CRACD: variants seen among roughly 807,000 people sequenced by gnomAD.
CRACD encodes the protein capping protein inhibiting regulator of actin dynamics.
Under a neutral mutation model 106.8 loss-of-function variants are expected in CRACD, and 56 were observed. The ratio of observed to expected loss-of-function variants is 0.52; its 90% CI spans 0.42 to 0.66. CRACD has a LOEUF of 0.66. Among genes scored for constraint, CRACD ranks in the 30% least tolerant of loss-of-function variants. The probability of loss-of-function intolerance (pLI) is 0.00; values close to 1 mark genes in which losing one functional copy is unlikely to be tolerated. For synonymous variants in CRACD, 754 were observed against 670.8 expected, an observed-to-expected ratio of 1.12 and a Z score of -1.92; for missense variants, 1,730 against 1,623.2, an observed-to-expected ratio of 1.07 and a Z score of -1.13.
At chr4:56,305,947 T>G (rs1744667196) in intron 4 of CRACD, among the ~76,000 whole-genome samples, 1 of 152,220 alleles carries the variant, frequency 6.6e-6, no homozygotes. Context: ...TGCCTCTTTA[T>G]TTCTGCCCCT....
At chr4:56,143,000 A>T (rs897480295) in intron 1 of CRACD, among the ~76,000 whole-genome samples, 9 of 146,864 alleles carry the variant, frequency 6.1e-5, no homozygotes, top group Admixed American at 6.8e-5. Flanking sequence ...TCTCTTTCAA[A>T]TTTTTTTTTT....
At chr4:56,167,859 G>C (rs577183555) in intron 1 of CRACD, among the ~76,000 whole-genome samples, 39 of 152,284 alleles carry the variant, frequency 2.6e-4, no homozygotes, top group African/African-American at 8.7e-4. Context: ...CAACATGGAT[G>C]AACCTTGAGG....
chr4:56,054,383 C>G (rs949648663), intron 1 of CRACD, among the ~76,000 whole-genome samples: 2 of 152,074 alleles, frequency 1.3e-5, no homozygotes, highest in Non-Finnish European at 2.9e-5. Context: ...TCTCTGTTTC[C>G]TAGGCTGGTC....
intron 2 of CRACD, among the ~76,000 whole-genome samples, chr4:56,269,500 G>T (rs1051365789): frequency 2.0e-5 from 3 of 151,880 alleles, no homozygotes; most frequent in Non-Finnish European, 4.4e-5. Flanking sequence ...GGGCTGAAAG[G>T]CAAAGTAGGA....
At chr4:56,304,553 G>T (rs1427008673) in intron 4 of CRACD, among the ~76,000 whole-genome samples, 2 of 152,048 alleles carry the variant, frequency 1.3e-5, no homozygotes. Context: ...GGAGGCAGGA[G>T]GACTGCTTGA....
intron 5 of CRACD, among the ~76,000 whole-genome samples, chr4:56,309,595 T>C (rs1426335148): frequency 6.6e-6 from 1 of 152,180 alleles, no homozygotes; most frequent in African/African-American, 2.4e-5. Flanking sequence ...GGCTCATGCC[T>C]GTAATCCCAG....
intron 4 of CRACD, among the ~76,000 whole-genome samples, chr4:56,304,312 C>CTTTTT (rs10551073): frequency 7.8e-6 from 1 of 127,970 alleles, no homozygotes; most frequent in Non-Finnish European, 1.6e-5. Flanking sequence ...GTTCTTATTC[C>CTTTTT]TTTTTTTTTT....
intron 3 of CRACD, among the ~76,000 whole-genome samples, chr4:56,295,459 A>G (rs1389181214): frequency 6.6e-6 from 1 of 151,820 alleles, no homozygotes; most frequent in Non-Finnish European, 1.5e-5. Context: ...TGAGTAATGA[A>G]TGGACATCAG....
At chr4:56,200,064 A>G (rs1737809207) in intron 2 of CRACD, among the ~76,000 whole-genome samples, 1 of 150,830 alleles carries the variant, frequency 6.6e-6, no homozygotes, top group African/African-American at 2.4e-5. Context: ...ATAGCAAAAC[A>G]GTTTCACCTT....
At chr4:56,280,258 C>T (rs1453824739) in intron 3 of CRACD, among the ~76,000 whole-genome samples, 2 of 150,896 alleles carry the variant, frequency 1.3e-5, no homozygotes, top group Non-Finnish European at 2.9e-5. Context: ...CAAACGTGCA[C>T]GTTGTGCACA....
At chr4:56,150,195 A>G (rs779214390) in intron 1 of CRACD, among the ~76,000 whole-genome samples, 5 of 152,198 alleles carry the variant, frequency 3.3e-5, no homozygotes, top group Non-Finnish European at 5.9e-5. Flanking sequence ...TAATGTCCCC[A>G]TTTGTTAGTG....
rs17086325 is a variant in CRACD at position 56,126,396 on chromosome 4, A to G, written c.-335-52888A>G. 8.6e-3 allele frequency among the ~76,000 whole-genome samples: 1,314 copies of G among 152,216 alleles called. 21 individuals are homozygous for G. The highest frequency in any genetic ancestry group is 0.029 in the African/African-American group (1,225 of 41,534). On this transcript the variant is annotated intron_variant, in intron 1 of 10. Transcript: ENST00000682029. ...TGGAATGCACGTATCAGGCCCTTCAACTTTGCTTAGACAACCCCTTAATCT... is the reference window on the plus strand; with the variant it reads ...TGGAATGCACGTATCAGGCCCTTCAGCTTTGCTTAGACAACCCCTTAATCT...
intron 2 of CRACD, among the ~76,000 whole-genome samples, chr4:56,248,001 G>T (rs2109580285): frequency 6.6e-6 from 1 of 152,258 alleles, no homozygotes; most frequent in South Asian, 2.1e-4. Context: ...ATTCTGTATG[G>T]TATACCCAAG....
chr4:56,249,894 A>G (rs1740946400), intron 2 of CRACD, among the ~76,000 whole-genome samples: 1 of 152,172 alleles, frequency 6.6e-6, no homozygotes, highest in South Asian at 2.1e-4. Flanking sequence ...TTACTAGTTT[A>G]TGTGTTTGTC....
chr4:56,117,838 A>T (rs1577674236), intron 1 of CRACD, among the ~76,000 whole-genome samples: 1 of 150,308 alleles, frequency 6.7e-6, no homozygotes, highest in Non-Finnish European at 1.5e-5. Context: ...GCTCACTGCA[A>T]CCTCCACCTC....
intron 1 of CRACD, among the ~76,000 whole-genome samples, chr4:56,059,268 C>T (rs898668215): frequency 1.4e-5 from 2 of 143,510 alleles, no homozygotes; most frequent in Non-Finnish European, 3.0e-5. Context: ...CCAAACCCCA[C>T]CTCTACAAAA....
intron 5 of CRACD, 31 bp downstream of exon 5, chr4:56,307,730 C>T: frequency 6.2e-7 from 1 of 1,610,964 alleles, no homozygotes; most frequent in Non-Finnish European, 8.5e-7. Context: ...GACTTGATGG[C>T]TCATAAACCA....
At chr4:56,077,360 C>T (rs1478158824) in intron 1 of CRACD, among the ~76,000 whole-genome samples, 1 of 152,152 alleles carries the variant, frequency 6.6e-6, no homozygotes, top group Non-Finnish European at 1.5e-5. Context: ...TGGGTCCCTC[C>T]CATGATATGT....
rs1463712871 is a variant in CRACD at position 56,314,017 on chromosome 4, T to C, written c.538-23T>C. 3.1e-6 allele frequency: 5 copies of C among 1,603,402 alleles called. No individual in the cohort carries two copies. The highest frequency in any genetic ancestry group is 4.5e-5 in the East Asian group (2 of 44,646). On this transcript the variant is annotated intron_variant, in intron 7 of 10. Transcript: ENST00000682029. This position sits in a 1 kb window ranked among gnomAD's most constrained non-coding sequence, Gnocchi z 4.4. Reference sequence around the variant, plus strand: ...TGGGTGGAGAAAGCAAAAGGCTAATTGTGTTTTCCTTTCCAATGTTAGGAT... The same window carrying C: ...TGGGTGGAGAAAGCAAAAGGCTAATCGTGTTTTCCTTTCCAATGTTAGGAT...
Sources: gnomAD v4.1 joint callset for allele counts (sites outside exome capture counted in the v4.1 genomes callset) on GRCh38, gnomAD v4.1.1 for gene constraint, Gnocchi (gnomAD v3.1) non-coding constraint, MANE v1.5 for transcripts, NCBI Gene and HGNC (gene_info 2026-07-23, HGNC 2026-07-21) for gene names.